Variants in SETD2 observed in about 807,000 individuals in gnomAD.
The protein encoded by SETD2 is histone-lysine N-methyltransferase SETD2.
Under a neutral mutation model 242.1 loss-of-function variants are expected in SETD2, and 31 were observed. The observed-to-expected ratio is 0.13, with a 90% CI of 0.10 to 0.17. The LOEUF is 0.17. Ranked by LOEUF, SETD2 falls within the 10% of genes least tolerant of loss-of-function variation. The probability of loss-of-function intolerance (pLI) is 1.00; values close to 1 mark genes in which losing one functional copy is unlikely to be tolerated. For missense variants in SETD2, 2,481 were observed against 3,046.3 expected, an observed-to-expected ratio of 0.81 and a Z score of 4.37; for synonymous variants, 1,006 against 1,066.5, an observed-to-expected ratio of 0.94 and a Z score of 1.11.
At position 47,113,833 on chromosome 3, in the gene SETD2, T is replaced by C. The variant is rs762908886; in HGVS notation, c.4715+43A>G. ...CAGTCTGGGTGAAAGAGTGAGACCT[T>C]GTCTCAAAAAAGGAAGTGAAAGGTA... On this transcript the variant is annotated intron_variant, in intron 5 of 20. Coordinates refer to ENST00000409792, the MANE Select transcript of SETD2 (RefSeq NM_014159.7). 21 of 1,589,696 alleles carry C rather than the reference T, an allele frequency of 1.3e-5. 1 individual carries two copies. In the Admixed American group the frequency reaches 2.3e-4, roughly 17 times the overall value.
intron 12 of SETD2, among the ~76,000 whole-genome samples, chr3:47,073,049 T>C (rs184341104): frequency 3.3e-4 from 49 of 148,114 alleles, no homozygotes; most frequent in South Asian, 6.4e-4. Context: ...ACTCAGGAGG[T>C]TGAGGCAGGT....
chr3:47,141,074 T>C (rs920639841), intron 1 of SETD2, among the ~76,000 whole-genome samples: 1 of 151,762 alleles, frequency 6.6e-6, no homozygotes, highest in African/African-American at 2.4e-5. Context: ...CTTGGTTCAC[T>C]GCAACCTCAC....
chr3:47,066,917 A>C, intron 13 of SETD2, 153 bp downstream of exon 13: 1 of 597,388 alleles, frequency 1.7e-6, no homozygotes, highest in Non-Finnish European at 2.9e-6. Context: ...TAAAAGCACA[A>C]GTTTCCAAAC....
At position 47,083,099 on chromosome 3, in the gene SETD2, T is replaced by C. The variant is rs146912128; in HGVS notation, c.6060+621A>G. On this transcript the variant is annotated intron_variant, in intron 12 of 20. Coordinates refer to ENST00000409792, the MANE Select transcript of SETD2 (RefSeq NM_014159.7). ...TATCCAAGACTCAGTCTGGGTTTTC[T>C]GCAAAGCAAACCCTGCACATCTTGC... is the stretch of plus-strand genomic sequence containing the variant. Among the ~76,000 whole-genome samples, 11 of 152,332 alleles carry C rather than the reference T, an allele frequency of 7.2e-5. No individual in the cohort carries two copies. In the East Asian group the frequency reaches 2.1e-3, roughly 29 times the overall value.
At position 47,123,753 on chromosome 3, in the gene SETD2, T is replaced by C. The variant is rs1179183570; in HGVS notation, c.883A>G (p.Ser295Gly). The C allele has an allele frequency of 6.5e-7, 1 of 1,549,198 alleles. No individual in the cohort carries two copies. The highest frequency in any genetic ancestry group is 8.7e-7 in the Non-Finnish European group (1 of 1,146,082). Residue 295 changes from serine to glycine, a missense_variant, in exon 3 of 21, where the codon AGT (serine) becomes GGT (glycine). Coordinates refer to ENST00000409792, the MANE Select transcript of SETD2 (RefSeq NM_014159.7). ...HIGKDEEIPD[S>G]SKISLSCKKT... is the part of the protein sequence containing the mutation. ...TTACAGCTCAGACTAATCTTAGAAC[T>C]ATCTGGAATTTCTTCATCCTTCCCA...
rs140549337 is a variant in SETD2, at chr3:47,120,767, G to A, written c.3869C>T (p.Ala1290Val). The A allele has an allele frequency of 2.5e-6, 4 of 1,614,066 alleles. No individual in the cohort carries two copies. In the African/African-American group the frequency reaches 5.3e-5, roughly 22 times the overall value. Residue 1290 changes from alanine (A) to valine (V), a missense_variant, in exon 3 of 21, where the codon GCA (alanine) becomes GTA (valine). Ala to Val is a moderately conservative substitution (Grantham distance 64). Around this residue, in one of 17 missense-constraint regions of SETD2, gnomAD observed 1,300 missense variants for 1,259.2 expected, o/e 1.03. Transcript: ENST00000409792. ...ACGGHKYQQN[A>V]EQYGGTRDYW... Reference sequence around the variant, plus strand: ...ATCACGTGTCCCACCATACTGTTCTGCATTTTGCTGATACTTGTGTCCACC... The same window carrying A: ...ATCACGTGTCCCACCATACTGTTCTACATTTTGCTGATACTTGTGTCCACC...
In SETD2 at chr3:47,120,824, T is replaced by C. The variant is rs779851402; in HGVS notation, c.3812A>G (p.Tyr1271Cys). 6.2e-7 allele frequency: 1 copy of C among 1,614,224 alleles called. No homozygotes were observed. The highest frequency in any genetic ancestry group is 1.7e-5 in the Admixed American group (1 of 60,024). The change falls in exon 3 of 21, where the codon TAT (tyrosine) becomes TGT (cysteine). Residue 1271 changes from tyrosine (Y) to cysteine (C), a missense_variant. Transcript: ENST00000409792. Reference protein sequence around the residue: ...DFSQEKPSTTYQQPDSSYGAC... With the variant: ...DFSQEKPSTTCQQPDSSYGAC... ...TCCATAGCTACTGTCAGGTTGCTGATACGTGGTAGAAGGCTTTTCTTGAGA... is the reference window on the plus strand; with the variant it reads ...TCCATAGCTACTGTCAGGTTGCTGACACGTGGTAGAAGGCTTTTCTTGAGA...
In SETD2 at chr3:47,062,154, G is replaced by T. The variant is rs2040360525; in HGVS notation, c.6293+9C>A. 1.2e-6 allele frequency: 2 copies of T among 1,610,278 alleles called. No individual in the cohort carries two copies. The highest frequency in any genetic ancestry group is 1.7e-6 in the Non-Finnish European group (2 of 1,178,966). Reference sequence around the variant, plus strand: ...AACAAAAACAAAAAAACTCACACAGGCCACTTACCTGTCATCTGGCCTTTT... The same window carrying T: ...AACAAAAACAAAAAAACTCACACAGTCCACTTACCTGTCATCTGGCCTTTT... On this transcript the variant is annotated intron_variant, in intron 14 of 20. Transcript: ENST00000409792.
At chr3:47,087,426 G>A (rs151030765) in intron 10 of SETD2, among the ~76,000 whole-genome samples, 98 of 152,144 alleles carry the variant, frequency 6.4e-4, no homozygotes, top group African/African-American at 2.2e-3. Flanking sequence ...TAGATCTCTC[G>A]CATGTGCAGT....
intron 1 of SETD2, among the ~76,000 whole-genome samples, chr3:47,129,402 T>C (rs1050059117): frequency 1.3e-5 from 2 of 152,244 alleles, no homozygotes. Context: ...TACAGAGCTT[T>C]CTGCACTCGT....
At chr3:47,064,814 AAT>A (rs1165842377) in intron 13 of SETD2, among the ~76,000 whole-genome samples, 1 of 148,052 alleles carries the variant, frequency 6.8e-6, no homozygotes, top group Non-Finnish European at 1.5e-5. Flanking sequence ...AAAAATATAA[AAT>A]AATTATAAGC....
At chr3:47,116,096 T>C (rs2042842537) in intron 4 of SETD2, among the ~76,000 whole-genome samples, 1 of 152,060 alleles carries the variant, frequency 6.6e-6, no homozygotes, top group Admixed American at 6.6e-5. Flanking sequence ...CACAGAGCTC[T>C]GATTAGGTCT....
At chr3:47,143,904 G>A (rs928752962) in intron 1 of SETD2, among the ~76,000 whole-genome samples, 1 of 151,982 alleles carries the variant, frequency 6.6e-6, no homozygotes, top group East Asian at 1.9e-4. Flanking sequence ...TAGAGACGGG[G>A]TTTCACCGTG....
In SETD2 at chr3:47,088,213, C is replaced by G. The variant is rs2041645602; in HGVS notation, c.5177G>C (p.Gly1726Ala). Reference protein sequence around the residue: ...DGELEALMENGEGLSDKNQVL... With the variant: ...DGELEALMENAEGLSDKNQVL... ...CTGGTTTTTATCAGAGAGACCCTCA[C>G]CATTTTCCATCAGAGCTTCTAGCTC... The change falls in exon 10 of 21, where the codon GGT becomes GCT. Residue 1726 changes from glycine (G) to alanine (A), a missense_variant. Coordinates refer to ENST00000409792, the MANE Select transcript of SETD2 (RefSeq NM_014159.7). 12 of 1,613,682 alleles carry G rather than the reference C, an allele frequency of 7.4e-6. No homozygotes were observed. The highest frequency in any genetic ancestry group is 1.0e-5 in the Non-Finnish European group (12 of 1,179,816).
At chr3:47,114,721 A>T (rs1208892945) in intron 4 of SETD2, among the ~76,000 whole-genome samples, 1 of 152,060 alleles carries the variant, frequency 6.6e-6, no homozygotes, top group African/African-American at 2.4e-5. Flanking sequence ...TCTCTGAAAA[A>T]TACAAAAATT....
rs781759245 is a variant in SETD2, at chr3:47,088,137, T to C, written c.5253A>G (p.Lys1751=). The C allele has an allele frequency of 6.2e-7, 1 of 1,613,660 alleles. No individual in the cohort carries two copies. The highest frequency in any genetic ancestry group is 8.5e-7 in the Non-Finnish European group (1 of 1,179,902). ...CCTGTATGAGTTCCAGACAGGTAAG[T>C]TTCTGCTCCAAAGTTTCAATTCTAA... The part of the protein sequence containing the change: ...LMVRIETLEQ[K]LTCLELIQNT... The change falls in exon 10 of 21, where the codon AAA becomes AAG. Residue 1751 remains lysine, a synonymous_variant. Coordinates refer to ENST00000409792, the MANE Select transcript of SETD2 (RefSeq NM_014159.7).
rs544776818 is a variant in SETD2, at chr3:47,052,355, T to G, written c.6963+4466A>C. On this transcript the variant is annotated intron_variant, in intron 15 of 20. Transcript: ENST00000409792. ...CTCGGCTAATTTTGTTTACTTTTTG[T>G]AGAAACAGGGTCTCACTATGTTGCC... Among the ~76,000 whole-genome samples, 4 of 152,268 alleles carry G rather than the reference T, an allele frequency of 2.6e-5. No homozygotes were observed. The South Asian group carries it at 8.3e-4, about 32-fold the overall frequency.
intron 15 of SETD2, among the ~76,000 whole-genome samples, chr3:47,052,890 G>A (rs970531149): frequency 3.3e-5 from 5 of 151,778 alleles, no homozygotes; most frequent in Admixed American, 3.3e-4. Context: ...TTTAAACTGT[G>A]ACTTTTTTTT....
In SETD2 at chr3:47,057,375, G is replaced by T; in HGVS notation, c.6409C>A (p.Gln2137Lys). 1 of 1,614,220 alleles carries T rather than the reference G, an allele frequency of 6.2e-7. No individual in the cohort carries two copies. The highest frequency in any genetic ancestry group is 8.5e-7 in the Non-Finnish European group (1 of 1,180,036). The change falls in exon 15 of 21, where the codon CAA becomes AAA. Residue 2137 changes from glutamine (Q) to lysine (K), a missense_variant. By Grantham distance (53) the Gln-to-Lys change is moderately conservative. Around this residue, in one of 17 missense-constraint regions of SETD2, gnomAD observed 45 missense variants for 62.8 expected, o/e 0.72. Transcript: ENST00000409792. ...CCCAGGTTCTGCATCTGTTGCTGTT[G>T]TTTCTGAGCCTCCCGTTGAGCCACC... ...QEVAQREAQK[Q>K]QQQMQNLGMT...
Sources: gnomAD v4.1 joint callset for allele counts (sites outside exome capture counted in the v4.1 genomes callset) on GRCh38, gnomAD v4.1.1 for gene constraint, gnomAD v4.1.1 regional missense constraint, MANE v1.5 for transcripts, NCBI Gene and HGNC (gene_info 2026-07-23, HGNC 2026-07-21) for gene names.